The following ZFYVE28 variants were observed in gnomAD, a reference collection of about 807,000 sequenced individuals.
ZFYVE28 encodes the protein lateral signaling target protein 2 homolog.
A neutral mutation model predicts 82.1 loss-of-function variants in ZFYVE28; 40 were observed. That is an observed-to-expected ratio of 0.49 (90% CI 0.38 to 0.63). ZFYVE28 has a LOEUF of 0.63. Ranked by LOEUF, ZFYVE28 falls within the 30% of genes least tolerant of loss-of-function variation. ZFYVE28 has a pLI of 0.00. For missense variants in ZFYVE28, 1,321 were observed against 1,242.1 expected, an observed-to-expected ratio of 1.06 and a Z score of -0.96; for synonymous variants, 612 against 546.1, an observed-to-expected ratio of 1.12 and a Z score of -1.68.
chr4:2,340,875 G>A (rs746263620), intron 3 of ZFYVE28, among the ~76,000 whole-genome samples: 16 of 152,132 alleles, frequency 1.1e-4, no homozygotes, highest in African/African-American at 1.4e-4. Flanking sequence ...AAGGGGAGGC[G>A]GGCAGGATGG....
intron 1 of ZFYVE28, among the ~76,000 whole-genome samples, chr4:2,374,004 C>T (rs1727849396): frequency 6.6e-6 from 1 of 152,190 alleles, no homozygotes; most frequent in South Asian, 2.1e-4. Flanking sequence ...CCAGCCAGTC[C>T]TGACCTTGGC....
At chr4:2,302,617 G>A (rs771318979) in intron 8 of ZFYVE28, among the ~76,000 whole-genome samples, 11 of 152,222 alleles carry the variant, frequency 7.2e-5, no homozygotes, top group African/African-American at 1.2e-4. Context: ...CCGCAATTCC[G>A]CTCACAGGGA....
intron 6 of ZFYVE28, among the ~76,000 whole-genome samples, chr4:2,329,879 G>A (rs957834737): frequency 2.0e-5 from 3 of 151,952 alleles, no homozygotes; most frequent in South Asian, 2.1e-4. Context: ...GTAATACTTC[G>A]GGGATAATCT....
chr4:2,393,816 G>T (rs1730096997), intron 1 of ZFYVE28, among the ~76,000 whole-genome samples: 1 of 152,210 alleles, frequency 6.6e-6, no homozygotes, highest in Non-Finnish European at 1.5e-5. Context: ...AGCAAAGCTG[G>T]CTGTGCGTGT....
At chr4:2,364,947 C>T in intron 1 of ZFYVE28, 1 of 975,604 alleles carries the variant, frequency 1.0e-6, no homozygotes, top group African/African-American at 1.8e-5. Context: ...AGGGGCGGCG[C>T]AGCCTCAGCC....
At chr4:2,344,219 G>A (rs1476981571) in intron 2 of ZFYVE28, among the ~76,000 whole-genome samples, 1 of 152,218 alleles carries the variant, frequency 6.6e-6, no homozygotes, top group Non-Finnish European at 1.5e-5. Flanking sequence ...GAACTCTGGA[G>A]ATCTGGGGAA....
rs1469913699 is a variant in ZFYVE28 at position 2,304,902 on chromosome 4, T to C, written c.1438A>G (p.Ser480Gly). The change falls in exon 8 of 13, where the codon AGC (serine) becomes GGC (glycine). Residue 480 changes from serine to glycine, a missense_variant. Around this residue, in one of 2 missense-constraint regions of ZFYVE28, gnomAD observed 978 missense variants for 833.7 expected, o/e 1.17. Transcript: ENST00000290974. ...AGGTGCAGCCGCGAGTCCAGGCAGC[T>C]GCAGGAGCTGGTGCCCGCGAGGCTG... ...GASLAGTSSC[S>G]CLDSRLHLDG... 2 of 1,612,620 alleles carry C rather than the reference T, an allele frequency of 1.2e-6. No homozygotes were observed. The highest frequency in any genetic ancestry group is 1.7e-5 in the Admixed American group (1 of 60,008).
chr4:2,373,025 C>T (rs1238701024), intron 1 of ZFYVE28, among the ~76,000 whole-genome samples: 1 of 152,192 alleles, frequency 6.6e-6, no homozygotes, highest in African/African-American at 2.4e-5. Context: ...TCTACCCCCA[C>T]AGCCACCCCC....
intron 8 of ZFYVE28, among the ~76,000 whole-genome samples, chr4:2,279,286 G>C (rs2108802029): frequency 6.6e-6 from 1 of 152,168 alleles, no homozygotes; most frequent in East Asian, 1.9e-4. Context: ...ACAAAAATTA[G>C]CTGGGTGTGG....
intron 8 of ZFYVE28, among the ~76,000 whole-genome samples, chr4:2,284,556 T>C (rs1712442827): frequency 6.6e-6 from 1 of 152,058 alleles, no homozygotes; most frequent in South Asian, 2.1e-4. Flanking sequence ...GAGTCAGAGG[T>C]GAAGGCCTTG....
chr4:2,361,561 A>G (rs1055538213), intron 1 of ZFYVE28, among the ~76,000 whole-genome samples: 1 of 152,168 alleles, frequency 6.6e-6, no homozygotes, highest in Admixed American at 6.5e-5. Flanking sequence ...AGCCACCTTG[A>G]GGCCCAGGAG....
At chr4:2,353,812 C>A in intron 2 of ZFYVE28, 121 bp downstream of exon 2, 1 of 1,225,874 alleles carries the variant, frequency 8.2e-7, no homozygotes, top group Non-Finnish European at 1.0e-6. Context: ...TTCTCTAGCA[C>A]CCGACCCTGA....
intron 7 of ZFYVE28, among the ~76,000 whole-genome samples, chr4:2,308,627 C>CAGAAAGAAAGAAAGAA (rs58958771): frequency 0.01 from 813 of 79,488 alleles, 15 homozygotes; most frequent in East Asian, 0.059. Flanking sequence ...AGAAAGAAGA[C>CAGAAAGAAAGAAAGAA]AGAAAGAAAG....
chr4:2,331,809 A>C (rs1408930792), intron 6 of ZFYVE28, among the ~76,000 whole-genome samples: 1 of 152,134 alleles, frequency 6.6e-6, no homozygotes, highest in Admixed American at 6.5e-5. Context: ...GAAGGGTGCC[A>C]CCCAGCACTC....
rs764050435 is a variant in ZFYVE28, at chr4:2,312,976, C to T, written c.803+7194G>A. Among the ~76,000 whole-genome samples the T allele has an allele frequency of 9.2e-5, 14 of 151,890 alleles. No individual in the cohort carries two copies. In the East Asian group the frequency reaches 1.9e-3, roughly 21 times the overall value. On this transcript the variant is annotated intron_variant, in intron 7 of 12. Transcript: ENST00000290974. Reference sequence around the variant, plus strand: ...ACGAGAATCGCTTGAACTCAGGAAGCGGAGGTTGCAGTGAGCCAAGATCAT... The same window carrying T: ...ACGAGAATCGCTTGAACTCAGGAAGTGGAGGTTGCAGTGAGCCAAGATCAT...
At chr4:2,359,198 G>A (rs1298247633) in intron 1 of ZFYVE28, among the ~76,000 whole-genome samples, 1 of 151,642 alleles carries the variant, frequency 6.6e-6, no homozygotes, top group East Asian at 1.9e-4. Flanking sequence ...AGCCAGGATG[G>A]TCTCGATCAC....
At chr4:2,411,679 G>A (rs917702579) in intron 1 of ZFYVE28, among the ~76,000 whole-genome samples, 12 of 152,192 alleles carry the variant, frequency 7.9e-5, no homozygotes, top group Non-Finnish European at 1.0e-4. Flanking sequence ...TTCGAGCAAG[G>A]TGACTTGTCT....
intron 8 of ZFYVE28, among the ~76,000 whole-genome samples, chr4:2,278,753 CAAA>C (rs111557109): frequency 2.2e-5 from 3 of 137,908 alleles, no homozygotes; most frequent in African/African-American, 7.6e-5. Context: ...ACAAAAAGAC[CAAA>C]AAAAAAAACA....
Position 2,337,542 on chromosome 4 carries a change from G to C in ZFYVE28, c.522-46C>G, listed in dbSNP as rs995400668. ...GTGAGGCCGCACCTGGGCTGTGGCG[G>C]GGCCCCTCCAAAACAGAGTGGGGGG... On this transcript the variant is annotated intron_variant, in intron 4 of 12. Coordinates refer to ENST00000290974, the MANE Select transcript of ZFYVE28 (RefSeq NM_020972.3). 6 of 1,518,378 alleles carry C rather than the reference G, an allele frequency of 4.0e-6. No homozygotes were observed. The Admixed American group carries it at 7.8e-5, about 20-fold the overall frequency. The allele number at this position is 1,518,378 out of a possible 1,614,324, so 94.1% of individuals were successfully genotyped here. A position where few individuals can be genotyped will look rare whatever the true frequency, so the allele number is the denominator to read the frequency against.
Sources: allele counts gnomAD v4.1 joint callset (sites outside exome capture counted in the v4.1 genomes callset), GRCh38; gene constraint gnomAD v4.1.1; regional missense constraint gnomAD v4.1.1; transcripts MANE v1.5; gene names NCBI Gene and HGNC (gene_info 2026-07-23, HGNC 2026-07-21).